Variants in ROR1 observed in about 807,000 individuals in gnomAD.
ROR1 encodes ROR family WNT receptor 1.
ROR1 carries 19 observed loss-of-function variants against 78.8 expected under a neutral mutation model. The ratio of observed to expected loss-of-function variants is 0.24; its 90% CI spans 0.17 to 0.35. The LOEUF (loss-of-function observed/expected upper bound fraction) is 0.35, where lower values mean the gene tolerates loss of function less well. Ranked by LOEUF, ROR1 falls within the 10% of genes least tolerant of loss-of-function variation. The pLI is 1.00. For missense variants in ROR1, 917 were observed against 1,177.8 expected, an observed-to-expected ratio of 0.78 and a Z score of 3.24; for synonymous variants, 386 against 433.6, an observed-to-expected ratio of 0.89 and a Z score of 1.36.
chr1:63,804,761 T>C (rs993484324), intron 1 of ROR1, among the ~76,000 whole-genome samples: 1 of 152,168 alleles, frequency 6.6e-6, no homozygotes, highest in African/African-American at 2.4e-5. Context: ...AGGGGAATGG[T>C]TGTGGCCTAG....
intron 4 of ROR1, among the ~76,000 whole-genome samples, chr1:64,121,966 T>C (rs1648558922): frequency 6.6e-6 from 1 of 152,232 alleles, no homozygotes. Context: ...CACCAGAACC[T>C]GCACCAGCTG....
At chr1:64,080,230 G>A (rs1031622171) in intron 4 of ROR1, among the ~76,000 whole-genome samples, 4 of 152,176 alleles carry the variant, frequency 2.6e-5, no homozygotes, top group Non-Finnish European at 5.9e-5. Flanking sequence ...GACCCTCAGA[G>A]GGCATTTGAC....
At chr1:64,177,064 C>T (rs1650402280) in intron 8 of ROR1, among the ~76,000 whole-genome samples, 1 of 152,206 alleles carries the variant, frequency 6.6e-6, no homozygotes, top group African/African-American at 2.4e-5. Flanking sequence ...CCACTGGGGT[C>T]TTGTTAAATG....
chr1:63,841,130 C>G (rs1645047193), intron 1 of ROR1, among the ~76,000 whole-genome samples: 1 of 152,160 alleles, frequency 6.6e-6, no homozygotes, highest in East Asian at 1.9e-4. Flanking sequence ...ACATGTATTA[C>G]AAAATGTACG....
intron 1 of ROR1, among the ~76,000 whole-genome samples, chr1:63,992,343 G>A (rs1019085319): frequency 5.9e-5 from 9 of 152,086 alleles, no homozygotes; most frequent in African/African-American, 2.2e-4. Context: ...GAGTAGCTGG[G>A]ATTACAGGCA....
At chr1:64,139,164 C>CAAA (rs755368714) in intron 5 of ROR1, among the ~76,000 whole-genome samples, 7 of 20,636 alleles carry the variant, frequency 3.4e-4, no homozygotes, top group Non-Finnish European at 4.6e-4. Context: ...GAGACTGTCT[C>CAAA]AAAAAAAAAA....
At chr1:64,075,255 G>T (rs918379340) in intron 4 of ROR1, among the ~76,000 whole-genome samples, 1 of 152,090 alleles carries the variant, frequency 6.6e-6, no homozygotes, top group East Asian at 1.9e-4. Context: ...CTAGAGAATA[G>T]AGTAAAAAAA....
chr1:63,868,773 C>G (rs1645232810), intron 1 of ROR1, among the ~76,000 whole-genome samples: 2 of 152,202 alleles, frequency 1.3e-5, no homozygotes, highest in Admixed American at 6.5e-5. Flanking sequence ...GGGCACATGC[C>G]TCTGCACTGA....
At chr1:63,875,893 G>T (rs975013325) in intron 1 of ROR1, among the ~76,000 whole-genome samples, 8 of 152,166 alleles carry the variant, frequency 5.3e-5, no homozygotes, top group Non-Finnish European at 1.2e-4. Context: ...TCAGGTGAGT[G>T]ACAAAGGTTA....
chr1:64,124,758 C>T (rs1317221583), intron 4 of ROR1, among the ~76,000 whole-genome samples: 3 of 152,172 alleles, frequency 2.0e-5, no homozygotes, highest in Middle Eastern at 3.2e-3. Flanking sequence ...CTTCTGCATC[C>T]CAAGTGCTGG....
chr1:64,028,148 AC>A (rs1478778714), intron 2 of ROR1, among the ~76,000 whole-genome samples: 1 of 152,082 alleles, frequency 6.6e-6, no homozygotes, highest in Non-Finnish European at 1.5e-5. Context: ...AATTCTTTTC[AC>A]TGATTTCAGC....
chr1:64,118,632 CAAAAAAAAA>C lies in ROR1; in HGVS notation c.483-18716_483-18708del, dbSNP rs3084938. Reference sequence around the variant, plus strand: ...TGAGCTACAGAGCGAGACTCCATCTCAAAAAAAAAAAAAAAAAAAAAAAAAAAAAGAATT... The same window carrying C: ...TGAGCTACAGAGCGAGACTCCATCTCAAAAAAAAAAAAAAAAAAAAGAATT... On this transcript the variant is annotated intron_variant, in intron 4 of 8. Transcript: ENST00000371079. Among the ~76,000 whole-genome samples the C allele has an allele frequency of 2.0e-4, 13 of 65,852 alleles. No individual in the cohort carries two copies. In the South Asian group the frequency reaches 8.8e-3, roughly 45 times the overall value. The allele number at this position is 65,852 out of a possible 152,430, so 43.2% of individuals were successfully genotyped here.
At chr1:63,804,916 A>G (rs528185325) in intron 1 of ROR1, among the ~76,000 whole-genome samples, 1 of 152,172 alleles carries the variant, frequency 6.6e-6, no homozygotes, top group African/African-American at 2.4e-5. Context: ...CCACCTTGGG[A>G]ATGCTAGAGC....
chr1:64,038,191 C>T (rs943411894), intron 2 of ROR1, among the ~76,000 whole-genome samples: 6 of 152,152 alleles, frequency 3.9e-5, no homozygotes, highest in African/African-American at 1.4e-4. Context: ...CTACTCCTCG[C>T]CTCCCCTAAA....
Position 64,011,570 on chromosome 1 carries a change from T to C in ROR1, c.163+2194T>C, listed in dbSNP as rs551624422. Among the ~76,000 whole-genome samples the C allele has an allele frequency of 7.9e-5, 12 of 152,296 alleles. No individual in the cohort carries two copies. The South Asian group carries it at 2.5e-3, about 32-fold the overall frequency. Reference sequence around the variant, plus strand: ...CTTGGAATTTCTACCAGACCAGCACTGTAATTAGTAGTAGTTGCCCATTAA... The same window carrying C: ...CTTGGAATTTCTACCAGACCAGCACCGTAATTAGTAGTAGTTGCCCATTAA... On this transcript the variant is annotated intron_variant, in intron 2 of 8. Coordinates refer to ENST00000371079, the MANE Select transcript of ROR1 (RefSeq NM_005012.4).
chr1:63,801,698 C>T (rs1644798335), intron 1 of ROR1, among the ~76,000 whole-genome samples: 1 of 152,140 alleles, frequency 6.6e-6, no homozygotes, highest in South Asian at 2.1e-4. Flanking sequence ...GCCTTTTTAT[C>T]CAGCACTCAT....
chr1:64,009,291 C>A lies in ROR1; in HGVS notation c.92-14C>A. ...TGCCCTTGTCTTTCTCCCTTCCCTT[C>A]TTTTTCTTTTCAGAAACAGAGCTGT... is the stretch of plus-strand genomic sequence containing the variant. On this transcript the variant is annotated splice_polypyrimidine_tract_variant and intron_variant, in intron 1 of 8. Coordinates refer to ENST00000371079, the MANE Select transcript of ROR1 (RefSeq NM_005012.4). The A allele has an allele frequency of 6.3e-7, 1 of 1,599,738 alleles. No individual in the cohort carries two copies.
At chr1:63,799,896 A>G (rs1281047584) in intron 1 of ROR1, among the ~76,000 whole-genome samples, 1 of 152,194 alleles carries the variant, frequency 6.6e-6, no homozygotes, top group Non-Finnish European at 1.5e-5. Flanking sequence ...CTGCCTTTTT[A>G]TTGGAAAAAC....
intron 1 of ROR1, among the ~76,000 whole-genome samples, chr1:63,990,754 A>T (rs890596067): frequency 6.6e-6 from 1 of 152,178 alleles, no homozygotes; most frequent in Non-Finnish European, 1.5e-5. Flanking sequence ...TTTACATTAA[A>T]AAAAGGTAAA....
Sources: gnomAD v4.1 joint callset for allele counts (sites outside exome capture counted in the v4.1 genomes callset) on GRCh38, gnomAD v4.1.1 for gene constraint, MANE v1.5 for transcripts, NCBI Gene and HGNC (gene_info 2026-07-23, HGNC 2026-07-21) for gene names.